GRB2: variants seen among roughly 807,000 people sequenced by gnomAD.
The protein encoded by GRB2 is growth factor receptor bound protein 2, also known as growth factor receptor-bound protein 2.
In GRB2, 2 loss-of-function variants were observed where a neutral mutation model predicts 27.4. The observed-to-expected ratio is 0.07, with a 90% CI of 0.03 to 0.23. The LOEUF (loss-of-function observed/expected upper bound fraction) is 0.23, where lower values mean the gene tolerates loss of function less well. Among genes scored for constraint, GRB2 ranks in the 10% least tolerant of loss-of-function variants. The pLI is 1.00. For missense variants in GRB2, 102 were observed against 282.4 expected, an observed-to-expected ratio of 0.36 and a Z score of 4.58; for synonymous variants, 94 against 99.6, an observed-to-expected ratio of 0.94 and a Z score of 0.33.
chr17:75,352,050 A>AAT (rs775365403), intron 2 of GRB2, among the ~76,000 whole-genome samples: 6 of 152,208 alleles, frequency 3.9e-5, no homozygotes, highest in Non-Finnish European at 5.9e-5. Flanking sequence ...ATCGGAGACA[A>AAT]ATATAACTAT....
intron 2 of GRB2, among the ~76,000 whole-genome samples, chr17:75,363,532 TA>T (rs1231612332): frequency 2.0e-5 from 3 of 152,210 alleles, no homozygotes; most frequent in Non-Finnish European, 4.4e-5. Flanking sequence ...TCACGCTTAT[TA>T]AATCACAACT....
chr17:75,361,658 G>A (rs1436519348), intron 2 of GRB2, among the ~76,000 whole-genome samples: 2 of 152,098 alleles, frequency 1.3e-5, no homozygotes, highest in African/African-American at 4.8e-5. Context: ...TATGGAGTGG[G>A]GAGACGGTGA....
At chr17:75,395,276 G>T (rs1486744142) in intron 1 of GRB2, among the ~76,000 whole-genome samples, 5 of 152,128 alleles carry the variant, frequency 3.3e-5, no homozygotes, top group African/African-American at 7.3e-5. Flanking sequence ...ACATTCTGCT[G>T]CAGGTAACTA....
intron 2 of GRB2, among the ~76,000 whole-genome samples, chr17:75,340,581 C>T (rs564825175): frequency 8.4e-4 from 128 of 152,276 alleles, no homozygotes; most frequent in African/African-American, 3.0e-3. Context: ...AGGGCCCTGG[C>T]TAGGGTAACA....
intron 1 of GRB2, among the ~76,000 whole-genome samples, chr17:75,401,777 T>C (rs1270978504): frequency 5.3e-5 from 8 of 152,222 alleles, no homozygotes; most frequent in Admixed American, 5.2e-4. Flanking sequence ...TTAAAAGAGA[T>C]AATGGTTGTA....
intron 1 of GRB2, among the ~76,000 whole-genome samples, chr17:75,395,566 C>T (rs144472509): frequency 2.4e-3 from 371 of 152,242 alleles, no homozygotes; most frequent in African/African-American, 8.4e-3. Flanking sequence ...CGATCACTCT[C>T]GATTTTGTTT....
intron 2 of GRB2, among the ~76,000 whole-genome samples, chr17:75,391,264 A>G (rs945277250): frequency 4.6e-5 from 7 of 152,160 alleles, no homozygotes; most frequent in Non-Finnish European, 8.8e-5. Context: ...AACCACATAT[A>G]TGTATTTTTC....
chr17:75,345,003 C>A (rs368142117), intron 2 of GRB2, among the ~76,000 whole-genome samples: 1 of 151,568 alleles, frequency 6.6e-6, no homozygotes, highest in Non-Finnish European at 1.5e-5. Context: ...AAACCTCTAC[C>A]CTGAAAATTA....
At chr17:75,351,395 A>C (rs2078691260) in intron 2 of GRB2, among the ~76,000 whole-genome samples, 1 of 152,152 alleles carries the variant, frequency 6.6e-6, no homozygotes, top group Non-Finnish European at 1.5e-5. Context: ...GACACCTGTA[A>C]TCTAGCACTT....
chr17:75,389,841 T>A lies in GRB2; in HGVS notation c.78+3710A>T, dbSNP rs541688884. On this transcript the variant is annotated intron_variant, in intron 2 of 5. Transcript: ENST00000316804. ...GCCTGGGTGACAGAGCGAGACTCCA[T>A]CTCAAAAAAATAAAAAAATAAATAA... Among the ~76,000 whole-genome samples, 169 of 152,174 alleles carry A rather than the reference T, an allele frequency of 1.1e-3. 2 individuals are homozygous for A. The highest frequency in any genetic ancestry group is 4.0e-3 in the African/African-American group (167 of 41,550).
chr17:75,374,605 TCACA>T (rs112792873), intron 2 of GRB2, among the ~76,000 whole-genome samples: 26 of 147,046 alleles, frequency 1.8e-4, no homozygotes, highest in East Asian at 4.0e-4. Context: ...ATGCCTGTAG[TCACA>T]CACACACACA....
rs376080814 is a variant in GRB2, at chr17:75,330,466, GAGCTCGAGATC to G, written c.176+2223_176+2233del. ...CTGTAATCCCAGCACTTTAGGCCAA[GAGCTCGAGATC>G]AGCTTGGCCAACACAGTGAAACCCC... On this transcript the variant is annotated intron_variant, in intron 3 of 5. Transcript: ENST00000316804. Among the ~76,000 whole-genome samples, 1,098 of 152,156 alleles carry G rather than the reference GAGCTCGAGATC, an allele frequency of 7.2e-3. 13 individuals carry two copies. The highest frequency in any genetic ancestry group is 0.025 in the African/African-American group (1,046 of 41,514).
chr17:75,356,581 T>G (rs1189411619), intron 2 of GRB2, among the ~76,000 whole-genome samples: 1 of 152,162 alleles, frequency 6.6e-6, no homozygotes, highest in Non-Finnish European at 1.5e-5. Flanking sequence ...AACACATCTA[T>G]CACCACAGCA....
intron 2 of GRB2, among the ~76,000 whole-genome samples, chr17:75,354,703 T>C (rs2078719641): frequency 6.6e-6 from 1 of 152,074 alleles, no homozygotes; most frequent in African/African-American, 2.4e-5. Context: ...ACTGCAGTCT[T>C]CCAAAAGATG....
intron 2 of GRB2, among the ~76,000 whole-genome samples, chr17:75,389,612 C>T (rs1203691547): frequency 2.0e-5 from 3 of 152,048 alleles, no homozygotes; most frequent in South Asian, 2.1e-4. Flanking sequence ...TTTGGGAGGC[C>T]GAGACGGGCG....
intron 2 of GRB2, among the ~76,000 whole-genome samples, chr17:75,336,107 T>C (rs2078575348): frequency 6.6e-6 from 1 of 152,202 alleles, no homozygotes; most frequent in Non-Finnish European, 1.5e-5. Flanking sequence ...CAGGATTCTG[T>C]TATCTACCAA....
At chr17:75,361,876 T>TA (rs36010550) in intron 2 of GRB2, among the ~76,000 whole-genome samples, 4,372 of 142,790 alleles carry the variant, frequency 0.031, 207 homozygotes, top group African/African-American at 0.1. Context: ...GTGTCTTTAT[T>TA]AAAAAAAAAA....
intron 5 of GRB2, among the ~76,000 whole-genome samples, chr17:75,321,123 A>T (rs1034278540): frequency 4.6e-5 from 7 of 150,898 alleles, no homozygotes; most frequent in African/African-American, 1.7e-4. Flanking sequence ...AGCTGGCTAC[A>T]CACTGCCTCT....
intron 2 of GRB2, among the ~76,000 whole-genome samples, chr17:75,358,989 TA>T (rs1355579982): frequency 6.8e-6 from 1 of 146,196 alleles, no homozygotes; most frequent in African/African-American, 2.5e-5. Flanking sequence ...GAGGTGGGTG[TA>T]TTACCTGAGG....
Sources: allele counts gnomAD v4.1 joint callset (sites outside exome capture counted in the v4.1 genomes callset), GRCh38; gene constraint gnomAD v4.1.1; transcripts MANE v1.5; gene names NCBI Gene and HGNC (gene_info 2026-07-23, HGNC 2026-07-21).